Variants in FREM1 observed in about 807,000 individuals in gnomAD.
FREM1 encodes the protein FRAS1-related extracellular matrix protein 1.
In FREM1, 220 loss-of-function variants were observed where a neutral mutation model predicts 210.1. The ratio of observed to expected loss-of-function variants is 1.05; its 90% confidence interval spans 0.94 to 1.17. The LOEUF is 1.17. FREM1 is among the 50% of genes most tolerant of loss of function. The pLI, the probability that FREM1 is intolerant of heterozygous loss-of-function variation, is 0.00. For synonymous variants in FREM1, 1,189 were observed against 980.2 expected, an observed-to-expected ratio of 1.21 and a Z score of -3.98; for missense variants, 3,454 against 2,675.5, an observed-to-expected ratio of 1.29 and a Z score of -6.42.
intron 3 of FREM1, among the ~76,000 whole-genome samples, chr9:14,860,548 TATATATACACAC>T (rs370301840): frequency 0.028 from 3,640 of 130,960 alleles, 293 homozygotes; most frequent in East Asian, 0.15. Flanking sequence ...TATATACACA[TATATATACACAC>T]ATATATATAC....
At chr9:14,892,568 ATGT>A (rs952159522) in intron 1 of FREM1, among the ~76,000 whole-genome samples, 2 of 152,068 alleles carry the variant, frequency 1.3e-5, no homozygotes, top group Non-Finnish European at 2.9e-5. Flanking sequence ...GCACTATAGG[ATGT>A]TAACCACCAT....
chr9:14,807,802 G>C, intron 17 of FREM1, 138 bp downstream of exon 17: 2 of 647,774 alleles, frequency 3.1e-6, no homozygotes, highest in South Asian at 5.8e-5. Context: ...CACAAAATTT[G>C]TGTTGAGGTA....
At chr9:14,788,209 C>T (rs1850711649) in intron 23 of FREM1, among the ~76,000 whole-genome samples, 1 of 152,074 alleles carries the variant, frequency 6.6e-6, no homozygotes, top group South Asian at 2.1e-4. Context: ...AGATATGATC[C>T]TCACATAAGC....
At chr9:14,779,507 T>C in intron 24 of FREM1, 1 of 985,192 alleles carries the variant, frequency 1.0e-6, no homozygotes, top group Non-Finnish European at 1.2e-6. Context: ...CTTGAATATC[T>C]AATTCTGACT....
chr9:14,820,005 ATTAGAC>A (rs1821003691), intron 13 of FREM1, among the ~76,000 whole-genome samples: 1 of 152,244 alleles, frequency 6.6e-6, no homozygotes, highest in Non-Finnish European at 1.5e-5. Context: ...TTATTCAAAC[ATTAGAC>A]TTAAATATTA....
chr9:14,795,346 T>C (rs1380979041), intron 21 of FREM1, among the ~76,000 whole-genome samples: 1 of 152,220 alleles, frequency 6.6e-6, no homozygotes, highest in South Asian at 2.1e-4. Flanking sequence ...TGTTGGTAAG[T>C]GGCTGAACTG....
chr9:14,859,589 C>G, intron 3 of FREM1, 105 bp from the exon 4 acceptor site: 1 of 907,580 alleles, frequency 1.1e-6, no homozygotes, highest in Non-Finnish European at 1.7e-6. Context: ...CAAATTTGTG[C>G]CACAGATTGA....
At chr9:14,759,697 T>C (rs1276492894) in intron 28 of FREM1, 75 bp downstream of exon 28, 9 of 1,347,242 alleles carry the variant, frequency 6.7e-6, no homozygotes, top group Non-Finnish European at 7.0e-6. Context: ...TGAATTTTTC[T>C]AAAAAAAATA....
At chr9:14,905,558 T>G (rs1395755994) in intron 1 of FREM1, among the ~76,000 whole-genome samples, 2 of 152,338 alleles carry the variant, frequency 1.3e-5, no homozygotes, top group East Asian at 3.9e-4. Flanking sequence ...TTCATAGTCT[T>G]GAGCTCACGG....
chr9:14,778,522 C>T (rs895865044), intron 24 of FREM1, among the ~76,000 whole-genome samples: 4 of 143,288 alleles, frequency 2.8e-5, no homozygotes, highest in Non-Finnish European at 4.5e-5. Flanking sequence ...GTGGAAGGAT[C>T]ACTTGATCCT....
intron 27 of FREM1, among the ~76,000 whole-genome samples, chr9:14,767,019 A>G (rs1275360199): frequency 1.3e-5 from 2 of 152,196 alleles, no homozygotes; most frequent in Non-Finnish European, 2.9e-5. Context: ...TAAATACACA[A>G]GATGCTTTCA....
intron 5 of FREM1, among the ~76,000 whole-genome samples, chr9:14,854,284 GAA>G (rs1188350385): frequency 1.3e-5 from 2 of 152,002 alleles, no homozygotes; most frequent in East Asian, 3.8e-4. Flanking sequence ...AAACATGATA[GAA>G]AAAAGTGTAT....
intron 10 of FREM1, among the ~76,000 whole-genome samples, chr9:14,827,606 G>C (rs565455021): frequency 6.6e-6 from 1 of 152,300 alleles, no homozygotes; most frequent in Non-Finnish European, 1.5e-5. Flanking sequence ...GGCCACAAAA[G>C]GTGTGACCAA....
At chr9:14,762,838 C>G (rs1247442277) in intron 27 of FREM1, among the ~76,000 whole-genome samples, 6 of 147,652 alleles carry the variant, frequency 4.1e-5, no homozygotes, top group African/African-American at 1.2e-4. Context: ...AAACTGTACA[C>G]AAACACCTGG....
chr9:14,742,108 A>C (rs1331851656), intron 35 of FREM1, among the ~76,000 whole-genome samples: 1 of 152,224 alleles, frequency 6.6e-6, no homozygotes, highest in Non-Finnish European at 1.5e-5. Flanking sequence ...GCTCACATAC[A>C]TATAAAATGT....
intron 2 of FREM1, among the ~76,000 whole-genome samples, chr9:14,866,171 G>T (rs1831478104): frequency 6.6e-6 from 1 of 152,158 alleles, no homozygotes; most frequent in Non-Finnish European, 1.5e-5. Flanking sequence ...AAGGCAATTT[G>T]TGGTTTCTCC....
At chr9:14,825,317 G>A (rs1198559820) in intron 10 of FREM1, among the ~76,000 whole-genome samples, 13 of 151,144 alleles carry the variant, frequency 8.6e-5, no homozygotes, top group African/African-American at 2.7e-4. Context: ...GTGAAACCCC[G>A]TCTCTACGAA....
At chr9:14,778,234 AC>A (rs1848956214) in intron 24 of FREM1, among the ~76,000 whole-genome samples, 3 of 152,138 alleles carry the variant, frequency 2.0e-5, no homozygotes, top group South Asian at 4.2e-4. Flanking sequence ...ATAAAATTAA[AC>A]CTTTGATAAG....
At chr9:14,882,036 T>C (rs139070742) in intron 1 of FREM1, among the ~76,000 whole-genome samples, 1,858 of 152,268 alleles carry the variant, frequency 0.012, 45 homozygotes, top group African/African-American at 0.042. Flanking sequence ...AGAACCACCA[T>C]ACCAGTCCAT....
Sources: gnomAD v4.1 joint callset for allele counts (sites outside exome capture counted in the v4.1 genomes callset) on GRCh38, gnomAD v4.1.1 for gene constraint, MANE v1.5 for transcripts, NCBI Gene and HGNC (gene_info 2026-07-23, HGNC 2026-07-21) for gene names.